Variants in CXXC4 observed in about 807,000 individuals in gnomAD.
CXXC4 encodes the protein CXXC-type zinc finger protein 4.
In CXXC4, 5 loss-of-function variants were observed where a neutral mutation model predicts 20.5. That is an observed-to-expected ratio of 0.24 (90% CI 0.13 to 0.51). CXXC4 has a LOEUF of 0.51. Ranked by LOEUF, CXXC4 falls within the 20% of genes least tolerant of loss-of-function variation. The probability of loss-of-function intolerance (pLI) is 0.97; values close to 1 mark genes in which losing one functional copy is unlikely to be tolerated. For synonymous variants in CXXC4, 250 were observed against 216.4 expected (o/e 1.16, Z -1.36); for missense variants, 419 against 496.4 (o/e 0.84, Z 1.48).
At chr4:104,482,517 T>C (rs1560541162) in intron 2 of CXXC4, among the ~76,000 whole-genome samples, 1 of 152,136 alleles carries the variant, frequency 6.6e-6, no homozygotes. Flanking sequence ...TATCCTTTTT[T>C]CTTATCTTCA....
rs1435863192 is a variant in CXXC4, at chr4:104,468,703, A to T, written c.*3619T>A. 2.0e-5 allele frequency: 3 copies of T among 151,232 alleles called. No individual in the cohort carries two copies. Among genetic ancestry groups the T allele is most frequent in the Admixed American group, 2.0e-4 (3 of 15,190 alleles). The allele number at this position is 151,232 out of a possible 1,614,324, so 9.4% of individuals were successfully genotyped here. A position where few individuals can be genotyped will look rare whatever the true frequency, so the allele number is the denominator to read the frequency against. ...CAGTGTGAAATGCCAAATTTAATAA[A>T]AAAAAAAAAACTGAAACATTTAGCT... On this transcript the variant is annotated 3_prime_UTR_variant, in exon 3 of 3. Coordinates refer to ENST00000394767, the MANE Select transcript of CXXC4 (RefSeq NM_025212.4).
chr4:104,472,574 A>G (rs1736303232), intron 2 of CXXC4, among the ~76,000 whole-genome samples: 1 of 152,054 alleles, frequency 6.6e-6, no homozygotes, highest in Non-Finnish European at 1.5e-5. Context: ...AACTTGCTGA[A>G]TATACTGATT....
intron 2 of CXXC4, among the ~76,000 whole-genome samples, chr4:104,488,642 T>G (rs936046894): frequency 2.0e-5 from 3 of 152,218 alleles, no homozygotes; most frequent in African/African-American, 7.2e-5. Context: ...AACAGAATTT[T>G]TGTGCATGAG....
intron 2 of CXXC4, among the ~76,000 whole-genome samples, chr4:104,481,616 T>A (rs1736559386): frequency 1.3e-5 from 2 of 152,102 alleles, no homozygotes; most frequent in East Asian, 3.9e-4. Context: ...TACATGCATA[T>A]TGTAAAAAGA....
Position 104,471,743 on chromosome 4 carries a change from C to T in CXXC4, c.*579G>A, listed in dbSNP as rs1736282082. The T allele has an allele frequency of 6.6e-6, 1 of 152,034 alleles. No individual in the cohort carries two copies. The highest frequency in any genetic ancestry group is 1.5e-5 in the Non-Finnish European group (1 of 67,986). 9.4% of individuals were successfully genotyped at this position (152,034 alleles called of 1,614,324 possible). On this transcript the variant is annotated 3_prime_UTR_variant, in exon 3 of 3. Coordinates refer to ENST00000394767, the MANE Select transcript of CXXC4 (RefSeq NM_025212.4). ...CAAGTCTCTATGGAAAGATGCATGG[C>T]AAAATGGTGCCAGTGCTGTTGCTGC...
In CXXC4 at chr4:104,480,090, A is replaced by AG. The variant is rs61314310; in HGVS notation, c.1060-7725dup. 8.6e-3 allele frequency among the ~76,000 whole-genome samples: 1,302 copies of AG among 152,238 alleles called. 19 individuals are homozygous for AG. Among genetic ancestry groups the AG allele is most frequent in the African/African-American group, 0.03 (1,242 of 41,540 alleles). Reference sequence around the variant, plus strand: ...TTTTCCACTACTATAACATCATGGTAGGCATTTGTTCTTGTCTAGAACAAA... The same window carrying AG: ...TTTTCCACTACTATAACATCATGGTAGGGCATTTGTTCTTGTCTAGAACAAA... On this transcript the variant is annotated intron_variant, in intron 2 of 2. Coordinates refer to ENST00000394767, the MANE Select transcript of CXXC4 (RefSeq NM_025212.4).
chr4:104,492,234 A>T (rs1578324884), intron 1 of CXXC4, among the ~76,000 whole-genome samples, 175 bp from the exon 2 acceptor site: 1 of 25,418 alleles, frequency 3.9e-5, no homozygotes, highest in South Asian at 1.3e-3. Flanking sequence ...AACTCTCCCA[A>T]CCCCCGCTCC....
rs1736184179 is a variant in CXXC4, at chr4:104,468,689, G to A, written c.*3633C>T. On this transcript the variant is annotated 3_prime_UTR_variant, in exon 3 of 3. Coordinates refer to ENST00000394767, the MANE Select transcript of CXXC4 (RefSeq NM_025212.4). ...AGGAATACAGATCTCAGTGTGAAAT[G>A]CCAAATTTAATAAAAAAAAAAAAAC... 2 of 132,604 alleles carry A rather than the reference G, an allele frequency of 1.5e-5. No homozygotes were observed. Among genetic ancestry groups the A allele is most frequent in the Non-Finnish European group, 3.0e-5 (2 of 67,004 alleles). 8.2% of individuals were successfully genotyped at this position (132,604 alleles called of 1,614,324 possible).
rs1736844049 is a variant in CXXC4 at position 104,491,242 on chromosome 4, C to T, written c.561G>A (p.Glu187=). Residue 187 remains glutamate, a synonymous_variant, in exon 2 of 3, where the codon GAG becomes GAA. Transcript: ENST00000394767. ...QRLGKAGCPP[E]PSLQMANTNF... ...TAGTATTTGCCATTTGCAACGACGGCTCTGGCGGGCAGCCAGCTTTCCCCA... is the reference window on the plus strand; with the variant it reads ...TAGTATTTGCCATTTGCAACGACGGTTCTGGCGGGCAGCCAGCTTTCCCCA... The T allele has an allele frequency of 1.2e-6, 2 of 1,612,958 alleles. No individual in the cohort carries two copies. Among genetic ancestry groups the T allele is most frequent in the Non-Finnish European group, 1.7e-6 (2 of 1,179,854 alleles).
At chr4:104,472,422 T>G in intron 2 of CXXC4, 56 bp from the exon 3 acceptor site, 1 of 1,364,094 alleles carries the variant, frequency 7.3e-7, no homozygotes. Context: ...CAATATAAAA[T>G]TAGATTTTTC....
intron 1 of CXXC4, among the ~76,000 whole-genome samples, chr4:104,493,575 A>G (rs1736962958): frequency 6.6e-6 from 1 of 152,218 alleles, no homozygotes; most frequent in Admixed American, 6.5e-5. Flanking sequence ...GGCAAAGTAA[A>G]TCAAGATAAG....
chr4:104,487,706 CA>C (rs1416504106), intron 2 of CXXC4, among the ~76,000 whole-genome samples: 1 of 151,966 alleles, frequency 6.6e-6, no homozygotes, highest in Non-Finnish European at 1.5e-5. Flanking sequence ...ATTTTTTTAA[CA>C]GAGTAATTGA....
chr4:104,488,935 T>C (rs1736764353), intron 2 of CXXC4, among the ~76,000 whole-genome samples: 1 of 152,222 alleles, frequency 6.6e-6, no homozygotes. Context: ...ACCAAATTTA[T>C]AATTCTAGAT....
chr4:104,472,229 T>C lies in CXXC4; in HGVS notation c.*93A>G. ...ATAAAATGAAAATAATTTCTGGATA[T>C]TTTCTTCAGTGGTGGACTAAGCAGT... On this transcript the variant is annotated 3_prime_UTR_variant, in exon 3 of 3. Transcript: ENST00000394767. 1.5e-6 allele frequency: 1 copy of C among 670,366 alleles called. No homozygotes were observed. The allele number at this position is 670,366 out of a possible 1,614,324, so 41.5% of individuals were successfully genotyped here. A position where few individuals can be genotyped will look rare whatever the true frequency, so the allele number is the denominator to read the frequency against.
intron 2 of CXXC4, among the ~76,000 whole-genome samples, chr4:104,473,613 A>T (rs1016601948): frequency 2.6e-5 from 4 of 151,926 alleles, no homozygotes; most frequent in Non-Finnish European, 5.9e-5. Flanking sequence ...TGCAAAAGAA[A>T]GTTGACTTTA....
intron 1 of CXXC4, among the ~76,000 whole-genome samples, chr4:104,493,264 A>G (rs1736950827): frequency 6.6e-6 from 1 of 152,126 alleles, no homozygotes; most frequent in Non-Finnish European, 1.5e-5. Context: ...CAAAGGCATA[A>G]AGTGTATATT....
In CXXC4 at chr4:104,472,047, TAGAC is replaced by T; in HGVS notation, c.*271_*274del. The T allele has an allele frequency of 3.4e-6, 1 of 290,464 alleles. No homozygotes were observed. The allele number at this position is 290,464 out of a possible 1,614,324, so 18.0% of individuals were successfully genotyped here. A position where few individuals can be genotyped will look rare whatever the true frequency, so the allele number is the denominator to read the frequency against. On this transcript the variant is annotated 3_prime_UTR_variant, in exon 3 of 3. Transcript: ENST00000394767. ...TTATTTTTTACAGCCACTTTCAAAA[TAGAC>T]AACAACTTCACTACTATAGCTAAAT...
intron 2 of CXXC4, among the ~76,000 whole-genome samples, chr4:104,479,061 T>C (rs1736491007): frequency 6.6e-6 from 1 of 152,248 alleles, no homozygotes; most frequent in South Asian, 2.1e-4. Context: ...TCCCATTGAA[T>C]GCAACAGCAT....
rs1736883370 is a variant in CXXC4, at chr4:104,491,674, G to C, written c.129C>G (p.Arg43=). ...VDYNSEMERY[R]SFATSFYKTN... is the part of the protein sequence containing the mutation. ...TCTTGTAGAAGGAGGTGGCAAAGGA[G>C]CGGTAGCGCTCCATTTCCGAGTTGT... is the stretch of plus-strand genomic sequence containing the variant. Residue 43 remains arginine, a synonymous_variant, in exon 2 of 3, where the codon CGC becomes CGG. Transcript: ENST00000394767. 1 of 1,545,880 alleles carries C rather than the reference G, an allele frequency of 6.5e-7. No individual in the cohort carries two copies. Among genetic ancestry groups the C allele is most frequent in the African/African-American group, 1.4e-5 (1 of 72,562 alleles).
Sources: gnomAD v4.1 joint callset for allele counts (sites outside exome capture counted in the v4.1 genomes callset) on GRCh38, gnomAD v4.1.1 for gene constraint, MANE v1.5 for transcripts, NCBI Gene and HGNC (gene_info 2026-07-23, HGNC 2026-07-21) for gene names.